Variants in UGT2A2 observed in about 807,000 individuals in gnomAD.
The protein encoded by UGT2A2 is UDP-glucuronosyltransferase 2A2.
UGT2A2 carries 60 observed loss-of-function variants against 50.7 expected under a neutral mutation model. That is an observed-to-expected ratio of 1.18 (90% CI 0.96 to 1.47). The LOEUF (loss-of-function observed/expected upper bound fraction) is 1.47. Among genes scored for constraint, UGT2A2 ranks in the 40% most tolerant of loss-of-function variants. The pLI is 0.00. For synonymous variants in UGT2A2, 242 were observed against 214.6 expected, an observed-to-expected ratio of 1.13 and a Z score of -1.11; for missense variants, 762 against 634.0, an observed-to-expected ratio of 1.20 and a Z score of -2.17.
At chr4:69,615,851 TA>T (rs1720349223) in intron 1 of UGT2A2, among the ~76,000 whole-genome samples, 1 of 148,434 alleles carries the variant, frequency 6.7e-6, no homozygotes, top group Admixed American at 7.1e-5. Flanking sequence ...AGAGTGTGGA[TA>T]TTTCTCAAAA....
At position 69,619,517 on chromosome 4, in the gene UGT2A2, C is replaced by T. The variant is rs113643709; in HGVS notation, c.742+19382G>A. On this transcript the variant is annotated intron_variant, in intron 1 of 5. Coordinates refer to ENST00000604629, the MANE Select transcript of UGT2A2 (RefSeq NM_001105677.2). ...AAACAAAAGTGAAATTTTAAAATAA[C>T]GTTAAAGAAGACTCTAAAAATAATG... Among the ~76,000 whole-genome samples the T allele has an allele frequency of 9.0e-3, 1,372 of 151,756 alleles. 21 individuals carry two copies. The highest frequency in any genetic ancestry group is 0.028 in the African/African-American group (1,175 of 41,430).
At chr4:69,614,826 C>T (rs183059895) in intron 1 of UGT2A2, among the ~76,000 whole-genome samples, 4 of 152,092 alleles carry the variant, frequency 2.6e-5, no homozygotes, top group Non-Finnish European at 4.4e-5. Context: ...AACTATCTGA[C>T]ACTGTAGTTT....
At chr4:69,619,711 T>C (rs1325801532) in intron 1 of UGT2A2, among the ~76,000 whole-genome samples, 1 of 151,858 alleles carries the variant, frequency 6.6e-6, no homozygotes, top group East Asian at 1.9e-4. Flanking sequence ...TAAAATAAAA[T>C]TCAGGCCAAC....
intron 1 of UGT2A2, among the ~76,000 whole-genome samples, chr4:69,621,173 T>C (rs1280973154): frequency 6.6e-6 from 1 of 152,024 alleles, no homozygotes; most frequent in East Asian, 1.9e-4. Flanking sequence ...ACTTAAGAGC[T>C]TCTGCACAGC....
Position 69,589,514 on chromosome 4 carries a change from A to C in UGT2A2, c.1469T>G (p.Leu490Arg). 1 of 1,614,150 alleles carries C rather than the reference A, an allele frequency of 6.2e-7. No individual in the cohort carries two copies. Among genetic ancestry groups the C allele is most frequent in the East Asian group, 2.2e-5 (1 of 44,884 alleles). ...CAAAGAGTGGTACTGGAACCAGGTG[A>C]GGTCATGGGCTGCAACCCGAAGGTG... is the stretch of plus-strand genomic sequence containing the variant. ...AKHLRVAAHDLTWFQYHSLDV... is the reference protein window; with the variant it reads ...AKHLRVAAHDRTWFQYHSLDV... The change falls in exon 6 of 6, where the codon CTC becomes CGC. Residue 490 changes from leucine (L) to arginine (R), a missense_variant. By Grantham distance (102) the Leu-to-Arg change is moderately radical. Transcript: ENST00000604629.
At chr4:69,619,161 G>A (rs974797960) in intron 1 of UGT2A2, among the ~76,000 whole-genome samples, 23 of 151,842 alleles carry the variant, frequency 1.5e-4, no homozygotes, top group African/African-American at 5.6e-4. Flanking sequence ...ACTTTGGTAA[G>A]CCAATACAGG....
rs1718389496 is a variant in UGT2A2 at position 69,588,632 on chromosome 4, A to C, written c.*740T>G. Reference sequence around the variant, plus strand: ...CTCTAAATATGATCTGTTCACCTTCAACATATAACATAGAACTTTCTCCTT... The same window carrying C: ...CTCTAAATATGATCTGTTCACCTTCCACATATAACATAGAACTTTCTCCTT... On this transcript the variant is annotated 3_prime_UTR_variant, in exon 6 of 6. Coordinates refer to ENST00000604629, the MANE Select transcript of UGT2A2 (RefSeq NM_001105677.2). 1 of 152,022 alleles carries C rather than the reference A, an allele frequency of 6.6e-6. No homozygotes were observed. The highest frequency in any genetic ancestry group is 1.5e-5 in the Non-Finnish European group (1 of 67,986). 9.4% of individuals were successfully genotyped at this position (152,022 alleles called of 1,614,324 possible). A position where few individuals can be genotyped will look rare whatever the true frequency, so the allele number is the denominator to read the frequency against.
intron 1 of UGT2A2, among the ~76,000 whole-genome samples, chr4:69,622,331 CA>C: frequency 6.6e-6 from 1 of 151,522 alleles, no homozygotes; most frequent in East Asian, 1.9e-4. Context: ...AGTTAGAGAT[CA>C]AAACATATTT....
chr4:69,612,787 C>T (rs1720140262), intron 1 of UGT2A2, among the ~76,000 whole-genome samples: 3 of 151,478 alleles, frequency 2.0e-5, no homozygotes, highest in Admixed American at 2.0e-4. Context: ...TTGAAGAAAA[C>T]CTAGGATATT....
At chr4:69,589,780 A>T (rs1357408158) in intron 5 of UGT2A2, 129 bp from the exon 6 acceptor site, 1 of 1,341,450 alleles carries the variant, frequency 7.5e-7, no homozygotes, top group Non-Finnish European at 1.0e-6. Context: ...TAATTCTTGC[A>T]TGAACTTTGT....
At chr4:69,607,321 T>G (rs926065427) in intron 1 of UGT2A2, among the ~76,000 whole-genome samples, 32 of 151,040 alleles carry the variant, frequency 2.1e-4, no homozygotes, top group Non-Finnish European at 4.0e-4. Context: ...AATGGGGAAA[T>G]GATTCCCTAT....
chr4:69,622,662 G>C (rs113252753), intron 1 of UGT2A2, among the ~76,000 whole-genome samples: 5,204 of 151,634 alleles, frequency 0.034, 288 homozygotes, highest in African/African-American at 0.12. Context: ...AGGTGAGGGG[G>C]GCATGCATTG....
intron 1 of UGT2A2, among the ~76,000 whole-genome samples, chr4:69,604,977 C>A (rs148779677): frequency 0.076 from 10,342 of 135,954 alleles, 2,075 homozygotes; most frequent in Non-Finnish European, 0.11. Context: ...TAATGAGAGA[C>A]TTTGACACCC....
rs1478288008 is a variant in UGT2A2, at chr4:69,606,240, T to G, written c.743-6846A>C. Among the ~76,000 whole-genome samples the G allele has an allele frequency of 1.5e-4, 21 of 136,368 alleles. 4 individuals carry two copies. The highest frequency in any genetic ancestry group is 6.3e-4 in the African/African-American group (21 of 33,584). 89.5% of individuals were successfully genotyped at this position (136,368 alleles called of 152,430 possible). ...CTTACCCACCATGATCAAGTGGGCT[T>G]CATCCCTGGGACGCAAGGCTGGGTC... On this transcript the variant is annotated intron_variant, in intron 1 of 5. Coordinates refer to ENST00000604629, the MANE Select transcript of UGT2A2 (RefSeq NM_001105677.2).
intron 2 of UGT2A2, among the ~76,000 whole-genome samples, chr4:69,598,927 C>T (rs952246652): frequency 6.6e-6 from 1 of 152,062 alleles, no homozygotes; most frequent in Non-Finnish European, 1.5e-5. Flanking sequence ...TGCTATGTGG[C>T]TTGGTAAGAC....
intron 1 of UGT2A2, among the ~76,000 whole-genome samples, chr4:69,605,785 C>G (rs1347398883): frequency 7.3e-6 from 1 of 136,822 alleles, no homozygotes; most frequent in Admixed American, 7.2e-5. Flanking sequence ...TCAGAGAATA[C>G]TATAAACACC....
At chr4:69,633,516 T>C (rs11249454) in intron 1 of UGT2A2, among the ~76,000 whole-genome samples, 20,456 of 152,140 alleles carry the variant, frequency 0.13, 1,733 homozygotes, top group Admixed American at 0.26. Flanking sequence ...GCAGTGTTCA[T>C]CATAAGGTGG....
intron 5 of UGT2A2, among the ~76,000 whole-genome samples, chr4:69,591,939 TG>T (rs1718616657): frequency 3.9e-5 from 6 of 152,190 alleles, no homozygotes; most frequent in African/African-American, 1.4e-4. Flanking sequence ...TCATGAATTA[TG>T]ATTTCTAAAA....
Position 69,589,477 on chromosome 4 carries a change from C to T in UGT2A2, c.1506G>A (p.Gly502=), listed in dbSNP as rs757568823. The change falls in exon 6 of 6, where the codon GGG becomes GGA. Residue 502 remains glycine, a synonymous_variant. Coordinates refer to ENST00000604629, the MANE Select transcript of UGT2A2 (RefSeq NM_001105677.2). ...WFQYHSLDVI[G]FLLVCVTTAI... ...CCGTTGTCACACAGACCAGCAAGAA[C>T]CCAATTACATCCAAAGAGTGGTACT... is the stretch of plus-strand genomic sequence containing the variant. 1.2e-6 allele frequency: 2 copies of T among 1,613,896 alleles called. No homozygotes were observed. Among genetic ancestry groups the T allele is most frequent in the Non-Finnish European group, 1.7e-6 (2 of 1,180,008 alleles).
Sources: gnomAD v4.1 joint callset for allele counts (sites outside exome capture counted in the v4.1 genomes callset) on GRCh38, gnomAD v4.1.1 for gene constraint, MANE v1.5 for transcripts, NCBI Gene and HGNC (gene_info 2026-07-23, HGNC 2026-07-21) for gene names.